The following NAALADL2 variants were observed in gnomAD, a reference collection of about 807,000 sequenced individuals.
NAALADL2 encodes N-acetylated alpha-linked acidic dipeptidase like 2, also known as inactive N-acetylated-alpha-linked acidic dipeptidase-like protein 2.
A neutral mutation model predicts 87.2 loss-of-function variants in NAALADL2; 76 were observed. The observed-to-expected ratio is 0.87, with a 90% CI of 0.72 to 1.05. The LOEUF (loss-of-function observed/expected upper bound fraction) is 1.05. Ranked by LOEUF, NAALADL2 falls within the 50% of genes least tolerant of loss-of-function variation. The probability of loss-of-function intolerance (pLI) is 0.00; values close to 1 mark genes in which losing one functional copy is unlikely to be tolerated. For synonymous variants in NAALADL2, 354 were observed against 331.0 expected (o/e 1.07, Z -0.75); for missense variants, 1,089 against 945.8 (o/e 1.15, Z -1.99).
intron 2 of NAALADL2, among the ~76,000 whole-genome samples, chr3:174,628,884 G>A (rs943901281): frequency 1.3e-5 from 2 of 152,256 alleles, no homozygotes; most frequent in Admixed American, 6.5e-5. Flanking sequence ...ATATGTGTAA[G>A]GTGAGATGAC....
chr3:175,206,995 C>G (rs533831980), intron 2 of NAALADL2, among the ~76,000 whole-genome samples: 2 of 152,188 alleles, frequency 1.3e-5, no homozygotes, highest in Non-Finnish European at 2.9e-5. Flanking sequence ...CACACATACA[C>G]TGGAGATACA....
intron 5 of NAALADL2, among the ~76,000 whole-genome samples, chr3:175,400,634 A>G (rs112757832): frequency 5.3e-5 from 8 of 152,278 alleles, no homozygotes; most frequent in African/African-American, 1.9e-4. Flanking sequence ...CAAAACAATA[A>G]AACAAACCTA....
chr3:175,318,864 T>G (rs1278431451), intron 4 of NAALADL2, among the ~76,000 whole-genome samples: 1 of 152,260 alleles, frequency 6.6e-6, no homozygotes, highest in Non-Finnish European at 1.5e-5. Flanking sequence ...GAGAATGTCA[T>G]GTACATGGAA....
intron 2 of NAALADL2, among the ~76,000 whole-genome samples, chr3:175,198,427 A>C (rs192497662): frequency 6.6e-6 from 1 of 152,242 alleles, no homozygotes; most frequent in East Asian, 1.9e-4. Context: ...TGTAATCATT[A>C]GTTCCCAAAA....
intron 1 of NAALADL2, among the ~76,000 whole-genome samples, chr3:174,947,659 AT>A (rs534518958): frequency 1.3e-5 from 2 of 151,732 alleles, no homozygotes; most frequent in South Asian, 2.1e-4. Flanking sequence ...GAAATCTTTT[AT>A]TTTTTTTCTT....
intron 5 of NAALADL2, among the ~76,000 whole-genome samples, chr3:175,328,671 C>G (rs987077154): frequency 6.6e-6 from 1 of 152,090 alleles, no homozygotes; most frequent in Admixed American, 6.6e-5. Flanking sequence ...GCACAAGAAC[C>G]CTGCATTTTA....
At chr3:175,753,056 A>G (rs1746805482) in intron 12 of NAALADL2, among the ~76,000 whole-genome samples, 1 of 152,194 alleles carries the variant, frequency 6.6e-6, no homozygotes, top group Non-Finnish European at 1.5e-5. Flanking sequence ...TAAATGACTT[A>G]AAATACCCAT....
At chr3:174,781,629 G>A (rs1201186693) in intron 3 of NAALADL2, among the ~76,000 whole-genome samples, 1 of 151,976 alleles carries the variant, frequency 6.6e-6, no homozygotes, top group African/African-American at 2.4e-5. Context: ...GTGATAGAGA[G>A]GGAAATTGAA....
intron 5 of NAALADL2, among the ~76,000 whole-genome samples, chr3:175,326,912 A>AT (rs1305983702): frequency 9.2e-5 from 14 of 152,338 alleles, no homozygotes; most frequent in African/African-American, 3.4e-4. Context: ...TGTGGGGTAC[A>AT]CATCCAAATC....
At chr3:175,472,151 A>G (rs766776498) in intron 9 of NAALADL2, among the ~76,000 whole-genome samples, 1 of 151,954 alleles carries the variant, frequency 6.6e-6, no homozygotes, top group Non-Finnish European at 1.5e-5. Flanking sequence ...GACCTGTCCT[A>G]TCTTTACAAC....
chr3:175,306,336 A>G (rs1352571161), intron 4 of NAALADL2, among the ~76,000 whole-genome samples: 2 of 152,122 alleles, frequency 1.3e-5, no homozygotes, highest in Admixed American at 6.5e-5. Context: ...TATTTTACCT[A>G]TATAAGGCAA....
intron 1 of NAALADL2, among the ~76,000 whole-genome samples, chr3:174,537,517 G>A (rs1403829598): frequency 1.3e-5 from 2 of 152,144 alleles, no homozygotes; most frequent in East Asian, 3.8e-4. Flanking sequence ...TTGAAGACAT[G>A]ATTGCGAAGA....
At chr3:174,834,789 A>G (rs1723140007) in intron 3 of NAALADL2, among the ~76,000 whole-genome samples, 1 of 151,830 alleles carries the variant, frequency 6.6e-6, no homozygotes, top group South Asian at 2.1e-4. Flanking sequence ...GAAATTGAGT[A>G]TATAAATAAA....
chr3:174,562,580 G>A (rs942423404), intron 2 of NAALADL2, among the ~76,000 whole-genome samples: 1 of 152,000 alleles, frequency 6.6e-6, no homozygotes, highest in African/African-American at 2.4e-5. Context: ...TTTTGAATCA[G>A]TCATATATTA....
At chr3:175,056,358 A>G (rs953853754) in intron 1 of NAALADL2, among the ~76,000 whole-genome samples, 3 of 152,022 alleles carry the variant, frequency 2.0e-5, no homozygotes, top group Non-Finnish European at 4.4e-5. Flanking sequence ...TCCCATTGTT[A>G]CCCTGATGCT....
intron 3 of NAALADL2, among the ~76,000 whole-genome samples, chr3:174,827,488 TTC>T (rs1382712865): frequency 6.6e-6 from 1 of 152,208 alleles, no homozygotes; most frequent in East Asian, 1.9e-4. Flanking sequence ...TTCACATCAC[TTC>T]TCTCTGACCG....
rs73043213 is a variant in NAALADL2 at position 175,167,173 on chromosome 3, C to A, written c.546-66758C>A. 8.3e-3 allele frequency among the ~76,000 whole-genome samples: 1,261 copies of A among 152,144 alleles called. 21 individuals are homozygous for A. The highest frequency in any genetic ancestry group is 0.028 in the African/African-American group (1,183 of 41,534). On this transcript the variant is annotated intron_variant, in intron 2 of 13. Transcript: ENST00000454872. ...GTGTGAACCATACAGTCTATTGCAA[C>A]CACTCAATTCAGCCATTCATTGTAG...
At chr3:174,949,025 A>G (rs1420093030) in intron 1 of NAALADL2, among the ~76,000 whole-genome samples, 1 of 152,134 alleles carries the variant, frequency 6.6e-6, no homozygotes, top group Non-Finnish European at 1.5e-5. Flanking sequence ...GCAGAAGAGA[A>G]AGGGGTCTCT....
At chr3:175,313,260 GATGTCA>G (rs950425628) in intron 4 of NAALADL2, among the ~76,000 whole-genome samples, 2 of 151,946 alleles carry the variant, frequency 1.3e-5, no homozygotes, top group African/African-American at 4.8e-5. Context: ...AAGTATACTA[GATGTCA>G]GGACTTCAAC....
Sources: gnomAD v4.1 joint callset for allele counts (sites outside exome capture counted in the v4.1 genomes callset) on GRCh38, gnomAD v4.1.1 for gene constraint, MANE v1.5 for transcripts, NCBI Gene and HGNC (gene_info 2026-07-23, HGNC 2026-07-21) for gene names.